Variants in CWC27 observed in about 807,000 individuals in gnomAD.
CWC27 encodes CWC27 spliceosome associated cyclophilin.
Under a neutral mutation model 63.6 loss-of-function variants are expected in CWC27, and 47 were observed. That is an observed-to-expected ratio of 0.74 (90% confidence interval 0.58 to 0.94). The LOEUF is 0.94. Ranked by LOEUF, CWC27 falls within the 40% of genes least tolerant of loss-of-function variation. CWC27 has a pLI of 0.00. For synonymous variants in CWC27, 175 were observed against 179.8 expected, an observed-to-expected ratio of 0.97 and a Z score of 0.22; for missense variants, 495 against 554.3, an observed-to-expected ratio of 0.89 and a Z score of 1.07.
At chr5:64,924,378 G>A (rs150839039) in intron 11 of CWC27, among the ~76,000 whole-genome samples, 2 of 152,344 alleles carry the variant, frequency 1.3e-5, no homozygotes, top group Non-Finnish European at 2.9e-5. Context: ...TTCTAAGCAT[G>A]CATTGGAATC....
intron 11 of CWC27, among the ~76,000 whole-genome samples, chr5:64,948,794 G>C (rs1022730290): frequency 6.6e-6 from 1 of 151,942 alleles, no homozygotes; most frequent in East Asian, 1.9e-4. Flanking sequence ...GTGAGAACTA[G>C]TATCATCAAG....
At chr5:64,769,964 C>T (rs1743186065) in intron 1 of CWC27, among the ~76,000 whole-genome samples, 2 of 152,080 alleles carry the variant, frequency 1.3e-5, no homozygotes, top group Admixed American at 1.3e-4. Flanking sequence ...ATAAGTGTCA[C>T]CTGAATTCTT....
chr5:64,902,566 G>C, intron 11 of CWC27, among the ~76,000 whole-genome samples: 1 of 152,050 alleles, frequency 6.6e-6, no homozygotes, highest in Admixed American at 6.5e-5. Context: ...TTATATATGG[G>C]TCTATTCTGT....
At chr5:64,821,592 A>G (rs1230682797) in intron 10 of CWC27, among the ~76,000 whole-genome samples, 1 of 152,204 alleles carries the variant, frequency 6.6e-6, no homozygotes, top group African/African-American at 2.4e-5. Context: ...TGCAGGGAAC[A>G]TAGAGCTTAC....
intron 6 of CWC27, among the ~76,000 whole-genome samples, chr5:64,787,110 AC>A (rs1209482868): frequency 6.6e-6 from 1 of 152,128 alleles, no homozygotes; most frequent in Non-Finnish European, 1.5e-5. Flanking sequence ...TGGGGACACC[AC>A]CCTATAATCC....
In CWC27 at chr5:64,951,478, T is replaced by C. The variant is rs546583315; in HGVS notation, c.1043-20225T>C. 1.1e-4 allele frequency among the ~76,000 whole-genome samples: 16 copies of C among 152,090 alleles called. 1 individual carries two copies. Among genetic ancestry groups the C allele is most frequent in the Admixed American group, 9.2e-4 (14 of 15,240 alleles). On this transcript the variant is annotated intron_variant, in intron 11 of 13. Coordinates refer to ENST00000381070, the MANE Select transcript of CWC27 (RefSeq NM_005869.4). ...CTACAAGTCCTTTATCAGATAAATG[T>C]TTTGAAAACAGTTTTCAAAGTTCAT...
At chr5:64,989,996 T>C (rs1455886571) in intron 13 of CWC27, among the ~76,000 whole-genome samples, 1 of 152,050 alleles carries the variant, frequency 6.6e-6, no homozygotes. Flanking sequence ...TGGTAGTTCA[T>C]GGAGTCAAAA....
In CWC27 at chr5:64,885,454, GA is replaced by G; in HGVS notation, c.954del (p.Glu319LysfsTer5). 1 of 1,606,208 alleles carries G rather than the reference GA, an allele frequency of 6.2e-7. No homozygotes were observed. The highest frequency in any genetic ancestry group is 8.5e-7 in the Non-Finnish European group (1 of 1,176,316). ...TTTTTGCTTTATAGTGAAGAGCTCAGAAAAGAAGCAAGACAATTAAAACGGG... is the reference window on the plus strand; with the variant it reads ...TTTTTGCTTTATAGTGAAGAGCTCAGAAAGAAGCAAGACAATTAAAACGGG... ...KKSVSRSEEL[R>X]KEARQLKREL... On this transcript the variant is annotated frameshift_variant, in exon 11 of 14. Transcript: ENST00000381070. LOFTEE classifies it high-confidence loss of function.
chr5:64,928,057 A>C (rs1452074697), intron 11 of CWC27, among the ~76,000 whole-genome samples: 1 of 152,088 alleles, frequency 6.6e-6, no homozygotes, highest in Non-Finnish European at 1.5e-5. Flanking sequence ...TGGGAGGCTG[A>C]AGCAGGATAA....
chr5:64,905,503 T>TGG (rs1747614703), intron 11 of CWC27, among the ~76,000 whole-genome samples: 1 of 152,048 alleles, frequency 6.6e-6, no homozygotes, highest in Non-Finnish European at 1.5e-5. Context: ...TCTTTTAATC[T>TGG]GAAAATAAAA....
intron 13 of CWC27, among the ~76,000 whole-genome samples, chr5:65,006,531 A>T (rs2112470432): frequency 6.6e-6 from 1 of 152,282 alleles, no homozygotes; most frequent in South Asian, 2.1e-4. Context: ...TGTAAAATTA[A>T]GAAAACTGCA....
intron 10 of CWC27, among the ~76,000 whole-genome samples, chr5:64,854,928 T>C (rs1370770575): frequency 1.3e-5 from 2 of 152,134 alleles, no homozygotes; most frequent in Non-Finnish European, 2.9e-5. Flanking sequence ...AATTAAGGGT[T>C]TTGAAGTTCT....
intron 13 of CWC27, among the ~76,000 whole-genome samples, chr5:64,983,053 G>A (rs1376957164): frequency 6.6e-6 from 1 of 152,090 alleles, no homozygotes; most frequent in Non-Finnish European, 1.5e-5. Context: ...GAAATCAACA[G>A]CCCCTCACTC....
At chr5:65,010,881 T>C (rs1313728434) in intron 13 of CWC27, among the ~76,000 whole-genome samples, 1 of 152,222 alleles carries the variant, frequency 6.6e-6, no homozygotes, top group Non-Finnish European at 1.5e-5. Flanking sequence ...GCTCAATGAT[T>C]TGGAATTATG....
chr5:64,956,476 C>T (rs1580748357), intron 11 of CWC27, among the ~76,000 whole-genome samples: 2 of 152,060 alleles, frequency 1.3e-5, no homozygotes, highest in Admixed American at 6.6e-5. Flanking sequence ...TTCTCGTTTA[C>T]CTGCTATTGC....
At chr5:64,994,354 TA>T (rs1317559541) in intron 13 of CWC27, among the ~76,000 whole-genome samples, 35 of 152,224 alleles carry the variant, frequency 2.3e-4, no homozygotes, top group African/African-American at 8.2e-4. Context: ...GGATATTGCA[TA>T]ATTTAACATG....
intron 10 of CWC27, among the ~76,000 whole-genome samples, chr5:64,864,179 G>A (rs1746482653): frequency 6.6e-6 from 1 of 152,176 alleles, no homozygotes; most frequent in Admixed American, 6.5e-5. Flanking sequence ...TATCTTTTAT[G>A]AGTATTATTT....
intron 10 of CWC27, among the ~76,000 whole-genome samples, chr5:64,852,200 G>C (rs1018868242): frequency 6.6e-6 from 1 of 152,060 alleles, no homozygotes; most frequent in African/African-American, 2.4e-5. Flanking sequence ...CTAATGCCTC[G>C]TATTTGGTCA....
At chr5:64,882,214 A>G (rs1278721441) in intron 10 of CWC27, among the ~76,000 whole-genome samples, 1 of 152,216 alleles carries the variant, frequency 6.6e-6, no homozygotes, top group African/African-American at 2.4e-5. Flanking sequence ...ACACTGATTC[A>G]ATGAAAGGAA....
Sources: allele counts gnomAD v4.1 joint callset (sites outside exome capture counted in the v4.1 genomes callset), GRCh38; gene constraint gnomAD v4.1.1; transcripts MANE v1.5; gene names NCBI Gene and HGNC (gene_info 2026-07-23, HGNC 2026-07-21).